SYNPO2: variants seen among roughly 807,000 people sequenced by gnomAD.
SYNPO2 encodes synaptopodin 2.
In SYNPO2, 56 loss-of-function variants were observed where a neutral mutation model predicts 85.0. The ratio of observed to expected loss-of-function variants is 0.66; its 90% CI spans 0.53 to 0.82. The LOEUF (loss-of-function observed/expected upper bound fraction) is 0.82. SYNPO2 is among the 40% of genes least tolerant of loss of function. SYNPO2 has a pLI of 0.00. For synonymous variants in SYNPO2, 602 were observed against 591.1 expected (o/e 1.02, Z -0.27); for missense variants, 1,575 against 1,534.2 (o/e 1.03, Z -0.44).
At chr4:118,961,038 TA>T (rs980520406) in intron 1 of SYNPO2, among the ~76,000 whole-genome samples, 193 of 151,428 alleles carry the variant, frequency 1.3e-3, no homozygotes, top group African/African-American at 4.4e-3. Flanking sequence ...TCGCCCCTAA[TA>T]ATATTCAAAT....
At chr4:118,914,161 G>A (rs926097549) in intron 1 of SYNPO2, among the ~76,000 whole-genome samples, 13 of 152,130 alleles carry the variant, frequency 8.5e-5, no homozygotes, top group Admixed American at 4.6e-4. Flanking sequence ...TGGATTTATT[G>A]AGAGATTGTA....
In SYNPO2 at chr4:119,027,226, T is replaced by C. The variant is rs143767970; in HGVS notation, c.857T>C (p.Val286Ala). Residue 286 changes from valine to alanine, a missense_variant, in exon 3 of 5, where the codon GTG becomes GCG. This residue lies in a region of SYNPO2 where 1,508 missense variants were observed against 1,446.8 expected (regional missense o/e 1.04). Coordinates refer to ENST00000307142, the MANE Select transcript of SYNPO2 (RefSeq NM_133477.3). The stretch of plus-strand genomic sequence containing the variant: ...GATGCGGGACTGCCCCGGGTGGAAG[T>C]GATCCTCGACTGCTCTGACAGGCAG... ...AGDAGLPRVE[V>A]ILDCSDRQKT... The C allele has an allele frequency of 4.8e-5, 78 of 1,614,094 alleles. No homozygotes were observed. Among genetic ancestry groups the C allele is most frequent in the Admixed American group, 2.0e-4 (12 of 60,012 alleles).
At chr4:118,961,241 C>A (rs1735079766) in intron 1 of SYNPO2, among the ~76,000 whole-genome samples, 1 of 152,016 alleles carries the variant, frequency 6.6e-6, no homozygotes, top group Non-Finnish European at 1.5e-5. Context: ...AGAATATCCC[C>A]CCGCAACAGA....
At chr4:119,026,264 G>A (rs1258698591) in intron 2 of SYNPO2, among the ~76,000 whole-genome samples, 1 of 152,192 alleles carries the variant, frequency 6.6e-6, no homozygotes, top group Non-Finnish European at 1.5e-5. Flanking sequence ...TAGTCAATAA[G>A]ACATTGAAAT....
Position 118,900,703 on chromosome 4 carries a change from C to CTATATATATATA in SYNPO2, c.105+11580_105+11591dup, listed in dbSNP as rs373144800. Among the ~76,000 whole-genome samples the CTATATATATATA allele has an allele frequency of 2.7e-3, 118 of 43,812 alleles. 3 individuals carry two copies. Among genetic ancestry groups the CTATATATATATA allele is most frequent in the East Asian group, 6.1e-3 (8 of 1,306 alleles). 28.7% of individuals were successfully genotyped at this position (43,812 alleles called of 152,430 possible). ...TCTCTCTCTCTCTCTCTCTCTCTCT[C>CTATATATATATA]TATATATATATATATATATATATAT... is the stretch of plus-strand genomic sequence containing the variant. On this transcript the variant is annotated intron_variant, in intron 1 of 4. Coordinates refer to ENST00000307142, the MANE Select transcript of SYNPO2 (RefSeq NM_133477.3).
chr4:118,957,812 G>T (rs1041889898), intron 1 of SYNPO2, among the ~76,000 whole-genome samples: 2 of 152,150 alleles, frequency 1.3e-5, no homozygotes, highest in African/African-American at 4.8e-5. Flanking sequence ...CTCCTATCTC[G>T]CAGATGGAGA....
chr4:118,870,558 TG>T (rs1560807420), intron 1 of SYNPO2, among the ~76,000 whole-genome samples: 1 of 152,182 alleles, frequency 6.6e-6, no homozygotes, highest in African/African-American at 2.4e-5. Flanking sequence ...TACCCAGTAA[TG>T]GGATTGCTGG....
intron 4 of SYNPO2, chr4:119,037,511 C>T: frequency 9.9e-7 from 1 of 1,005,362 alleles, no homozygotes; most frequent in Non-Finnish European, 1.2e-6. Flanking sequence ...ATCTTTGATA[C>T]TTTTATTTGG....
intron 1 of SYNPO2, among the ~76,000 whole-genome samples, chr4:118,859,363 A>G (rs1731568410): frequency 6.6e-6 from 1 of 152,214 alleles, no homozygotes; most frequent in Non-Finnish European, 1.5e-5. Context: ...TAATAATCAC[A>G]TCAGGGTAAA....
intron 1 of SYNPO2, among the ~76,000 whole-genome samples, chr4:118,999,244 G>A (rs1316445665): frequency 2.0e-5 from 3 of 152,034 alleles, no homozygotes; most frequent in African/African-American, 2.4e-5. Context: ...CACCTCCCAG[G>A]ATCAGGTGAT....
intron 1 of SYNPO2, among the ~76,000 whole-genome samples, chr4:118,965,012 A>T (rs1735258101): frequency 2.0e-5 from 3 of 152,142 alleles, no homozygotes; most frequent in African/African-American, 7.2e-5. Context: ...TTGCATTCAC[A>T]GTCAGCTCTG....
At chr4:118,883,076 T>A (rs1379586546) in intron 1 of SYNPO2, among the ~76,000 whole-genome samples, 3 of 151,256 alleles carry the variant, frequency 2.0e-5, no homozygotes, top group Non-Finnish European at 4.4e-5. Flanking sequence ...TTTTTTTTTT[T>A]AAAGGCCTTT....
chr4:119,032,622 A>T (rs1346859445), intron 4 of SYNPO2: 1 of 989,154 alleles, frequency 1.0e-6, no homozygotes, highest in African/African-American at 1.7e-5. Flanking sequence ...ATAGTTTAGT[A>T]AGAAGTGGGT....
intron 1 of SYNPO2, among the ~76,000 whole-genome samples, chr4:118,890,731 C>CTCTCTG (rs1553935608): frequency 2.4e-5 from 3 of 125,998 alleles, no homozygotes; most frequent in Non-Finnish European, 5.4e-5. Flanking sequence ...CTCTCTCTCT[C>CTCTCTG]TCTGTGTGTG....
chr4:119,008,814 C>A (rs1349507544), intron 1 of SYNPO2, among the ~76,000 whole-genome samples: 1 of 151,846 alleles, frequency 6.6e-6, no homozygotes, highest in Non-Finnish European at 1.5e-5. Flanking sequence ...TATTTATGTG[C>A]CATTTAATTG....
chr4:118,927,733 TA>T (rs766957358), intron 1 of SYNPO2, among the ~76,000 whole-genome samples: 2,770 of 148,036 alleles, frequency 0.019, 42 homozygotes, highest in African/African-American at 0.03. Context: ...GATAGATAGA[TA>T]GATAGATAGA....
intron 1 of SYNPO2, among the ~76,000 whole-genome samples, chr4:118,877,827 C>A (rs946234259): frequency 6.6e-6 from 1 of 152,180 alleles, no homozygotes; most frequent in African/African-American, 2.4e-5. Flanking sequence ...AACAGAATTA[C>A]CATTCAGCTC....
In SYNPO2 at chr4:119,030,609, C is replaced by T. The variant is rs768019999; in HGVS notation, c.1834C>T (p.Pro612Ser). The change falls in exon 4 of 5, where the codon CCC becomes TCC. Residue 612 changes from proline to serine, a missense_variant. By Grantham distance (74) the Pro-to-Ser change is moderately conservative. Around this residue, in one of 3 missense-constraint regions of SYNPO2, gnomAD observed 1,508 missense variants for 1,446.8 expected, o/e 1.04. Transcript: ENST00000307142. The part of the protein sequence containing the change: ...PFSPTRNMTS[P>S]IADFPAPPPY... ...CTCGCCAACCCGAAACATGACGAGT[C>T]CCATTGCTGACTTTCCTGCACCTCC... The T allele has an allele frequency of 1.2e-6, 2 of 1,614,092 alleles. No individual in the cohort carries two copies. The highest frequency in any genetic ancestry group is 1.7e-6 in the Non-Finnish European group (2 of 1,180,014).
chr4:119,046,730 A>G (rs77194697), intron 4 of SYNPO2, among the ~76,000 whole-genome samples: 2,704 of 152,324 alleles, frequency 0.018, 56 homozygotes, highest in African/African-American at 0.051. Flanking sequence ...GGAAAATAAG[A>G]CTGGGAGAAG....
Sources: allele counts gnomAD v4.1 joint callset (sites outside exome capture counted in the v4.1 genomes callset), GRCh38; gene constraint gnomAD v4.1.1; regional missense constraint gnomAD v4.1.1; transcripts MANE v1.5; gene names NCBI Gene and HGNC (gene_info 2026-07-23, HGNC 2026-07-21).